Variants in NUAK2 observed in about 807,000 individuals in gnomAD.
NUAK2 encodes NUAK family kinase 2.
Under a neutral mutation model 29.8 loss-of-function variants are expected in NUAK2, and 20 were observed. That is an observed-to-expected ratio of 0.67 (90% CI 0.47 to 0.98). The LOEUF is 0.98. Ranked by LOEUF, NUAK2 falls within the 50% of genes least tolerant of loss-of-function variation. The probability of loss-of-function intolerance (pLI) is 0.00; values close to 1 mark genes in which losing one functional copy is unlikely to be tolerated. For synonymous variants in NUAK2, 331 were observed against 342.6 expected, an observed-to-expected ratio of 0.97 and a Z score of 0.37; for missense variants, 719 against 834.5, an observed-to-expected ratio of 0.86 and a Z score of 1.71.
At chr1:205,307,256 G>GGC (rs1295615974) in intron 4 of NUAK2, among the ~76,000 whole-genome samples, 1 of 152,164 alleles carries the variant, frequency 6.6e-6, no homozygotes, top group Non-Finnish European at 1.5e-5. Flanking sequence ...TGGTTTTATT[G>GGC]GCCTCTTATC....
Position 205,311,702 on chromosome 1 carries a change from T to C in NUAK2, c.352+3A>G, listed in dbSNP as rs762176116. On this transcript the variant is annotated splice_donor_region_variant and intron_variant, in intron 2 of 6. Coordinates refer to ENST00000367157, the MANE Select transcript of NUAK2 (RefSeq NM_030952.3). ...AAGTTCCAGCTTTAAGTGCCCACTG[T>C]ACCTTCATGGATGGCAATGATGTGA... The C allele has an allele frequency of 4.3e-6, 7 of 1,614,186 alleles. No homozygotes were observed. In the Admixed American group the frequency reaches 1.2e-4, roughly 27 times the overall value.
In NUAK2 at chr1:205,303,408, GC is replaced by G. The variant is rs752520162; in HGVS notation, c.*41del. The G allele has an allele frequency of 6.7e-7, 1 of 1,488,710 alleles. No homozygotes were observed. The highest frequency in any genetic ancestry group is 9.0e-7 in the Non-Finnish European group (1 of 1,111,576). The allele number at this position is 1,488,710 out of a possible 1,614,324, so 92.2% of individuals were successfully genotyped here. A position where few individuals can be genotyped will look rare whatever the true frequency, so the allele number is the denominator to read the frequency against. ...ATCTCCCCTCGGGGTGCAACCAGCT[GC>G]ATCTGAGAGCCTGACCGGGCTGGGG... On this transcript the variant is annotated 3_prime_UTR_variant, in exon 7 of 7. Transcript: ENST00000367157.
chr1:205,314,045 T>C (rs1047214244), intron 1 of NUAK2, among the ~76,000 whole-genome samples: 2 of 152,210 alleles, frequency 1.3e-5, no homozygotes, highest in Non-Finnish European at 2.9e-5. Flanking sequence ...TTCACAGGGC[T>C]CTGGAGGCAG....
At chr1:205,313,204 T>C (rs767808498) in intron 1 of NUAK2, among the ~76,000 whole-genome samples, 20 of 151,714 alleles carry the variant, frequency 1.3e-4, no homozygotes, top group Non-Finnish European at 2.8e-4. Context: ...TTATATTATG[T>C]ATGTTTTACC....
At chr1:205,305,024 C>G (rs1365970214) in intron 6 of NUAK2, among the ~76,000 whole-genome samples, 175 bp downstream of exon 6, 1 of 152,352 alleles carries the variant, frequency 6.6e-6, no homozygotes, top group Non-Finnish European at 1.5e-5. Context: ...AAAGAGCTAT[C>G]CCCTCCTTCC....
At position 205,321,650 on chromosome 1, in the gene NUAK2, G is replaced by A. The variant is rs748712957; in HGVS notation, c.-22C>T. On this transcript the variant is annotated 5_prime_UTR_variant, in exon 1 of 7. Coordinates refer to ENST00000367157, the MANE Select transcript of NUAK2 (RefSeq NM_030952.3). Reference sequence around the variant, plus strand: ...CCATGGCGAGCAGGAGGTGAGCAAGGGCGGCAGGGGAATCAGTAGGCTGTG... The same window carrying A: ...CCATGGCGAGCAGGAGGTGAGCAAGAGCGGCAGGGGAATCAGTAGGCTGTG... 4 of 1,594,696 alleles carry A rather than the reference G, an allele frequency of 2.5e-6. No individual in the cohort carries two copies. In the East Asian group the frequency reaches 9.0e-5, roughly 36 times the overall value.
At chr1:205,307,811 G>A (rs1662203211) in intron 4 of NUAK2, among the ~76,000 whole-genome samples, 2 of 152,164 alleles carry the variant, frequency 1.3e-5, no homozygotes, top group African/African-American at 2.4e-5. Context: ...AACTCAGGCC[G>A]GGCCTGTCCC....
At chr1:205,321,156 G>C (rs1259158802) in intron 1 of NUAK2, among the ~76,000 whole-genome samples, 1 of 152,124 alleles carries the variant, frequency 6.6e-6, no homozygotes, top group African/African-American at 2.4e-5. Flanking sequence ...CTTTTATTTG[G>C]CAATCATCAC....
rs540955919 is a variant in NUAK2 at position 205,306,429 on chromosome 1, C to T, written c.571-122G>A. 1.2e-4 allele frequency: 156 copies of T among 1,281,904 alleles called. 1 individual carries two copies. The African/African-American group carries it at 2.0e-3, about 17-fold the overall frequency. 79.4% of individuals were successfully genotyped at this position (1,281,904 alleles called of 1,614,324 possible). On this transcript the variant is annotated intron_variant, in intron 4 of 6. Transcript: ENST00000367157. ...AGCTCCAATAGAAGGAAAGGGTCCC[C>T]ATGACCCTTACCCCACACTGAGCAC...
chr1:205,320,903 G>A (rs1180174617), intron 1 of NUAK2, among the ~76,000 whole-genome samples: 1 of 74,660 alleles, frequency 1.3e-5, no homozygotes, highest in Non-Finnish European at 3.0e-5. Context: ...AACCCACCCC[G>A]TGCCAGAGCT....
chr1:205,305,404 A>AGGCCAGCACACCTGAGGACGACCC, intron 5 of NUAK2, 73 bp from the exon 6 acceptor site: 1 of 1,552,054 alleles, frequency 6.4e-7, no homozygotes, highest in Non-Finnish European at 8.7e-7. Flanking sequence ...GAGAACTCAG[A>AGGCCAGCACACCTGAGGACGACCC]GGCCAGCACA....
intron 1 of NUAK2, among the ~76,000 whole-genome samples, chr1:205,320,080 G>A (rs985157560): frequency 2.0e-5 from 3 of 152,170 alleles, no homozygotes; most frequent in Admixed American, 2.0e-4. Flanking sequence ...ATTACTCTGG[G>A]TGTGGAACCA....
At position 205,308,819 on chromosome 1, in the gene NUAK2, C is replaced by T. The variant is rs1662218506; in HGVS notation, c.353-87G>A. On this transcript the variant is annotated intron_variant, in intron 2 of 6. Transcript: ENST00000367157. This position sits in a 1 kb window ranked among gnomAD's most constrained non-coding sequence, Gnocchi z 4.1. ...TGACTCACTCCTCCCCGACCCCAGG[C>T]CCCAAACCAGACAGGACCCCCCTCC... is the stretch of plus-strand genomic sequence containing the variant. 2 of 1,486,298 alleles carry T rather than the reference C, an allele frequency of 1.3e-6. No homozygotes were observed. Among genetic ancestry groups the T allele is most frequent in the East Asian group, 2.3e-5 (1 of 43,146 alleles). 92.1% of individuals were successfully genotyped at this position (1,486,298 alleles called of 1,614,324 possible).
rs1220046053 is a variant in NUAK2, at chr1:205,303,534, C to T, written c.1803G>A (p.Gly601=). The change falls in exon 7 of 7, where the codon GGG becomes GGA. Residue 601 remains glycine, a synonymous_variant. Transcript: ENST00000367157. ...CLRRWRQDPL[G]DSCFSLTDCQ... ...AGTCTGTCAGGGAAAAGCAGCTGTC[C>T]CCCAAAGGATCCTGCCGCCAGCGCC... The T allele has an allele frequency of 6.2e-7, 1 of 1,613,618 alleles. No homozygotes were observed. Among genetic ancestry groups the T allele is most frequent in the East Asian group, 2.2e-5 (1 of 44,874 alleles).
rs367743737 is a variant in NUAK2 at position 205,318,490 on chromosome 1, A to G, written c.231+2908T>C. On this transcript the variant is annotated intron_variant, in intron 1 of 6. Transcript: ENST00000367157. Reference sequence around the variant, plus strand: ...CGGGCCTCAGCTACTCTATCTGTCAATGAAGGACTCGGACCACCTCAGTCA... The same window carrying G: ...CGGGCCTCAGCTACTCTATCTGTCAGTGAAGGACTCGGACCACCTCAGTCA... Among the ~76,000 whole-genome samples the G allele has an allele frequency of 1.2e-3, 184 of 152,356 alleles. 1 individual carries two copies. The highest frequency in any genetic ancestry group is 4.1e-3 in the African/African-American group (171 of 41,592).
At chr1:205,315,255 G>T (rs1016005332) in intron 1 of NUAK2, among the ~76,000 whole-genome samples, 5 of 152,220 alleles carry the variant, frequency 3.3e-5, no homozygotes, top group African/African-American at 1.2e-4. Context: ...CTGCTCCCCA[G>T]CCTATCCTGG....
In NUAK2 at chr1:205,303,599, G is replaced by A. The variant is rs41264879; in HGVS notation, c.1738C>T (p.Leu580Phe). 9.6e-5 allele frequency: 155 copies of A among 1,611,892 alleles called. No homozygotes were observed. The highest frequency in any genetic ancestry group is 7.8e-5 in the Non-Finnish European group (92 of 1,179,390). ...GGGCCCTCTGAGGGGGGCTCCTCAA[G>A]CCCCGTGAGGTTGTCCACAGACACA... ...GCVSVDNLTG[L>F]EEPPSEGPGS... is the part of the protein sequence containing the mutation. The change falls in exon 7 of 7, where the codon CTT becomes TTT. Residue 580 changes from leucine to phenylalanine, a missense_variant. Around this residue, in one of 3 missense-constraint regions of NUAK2, gnomAD observed 430 missense variants for 465.7 expected, o/e 0.92. Transcript: ENST00000367157.
chr1:205,311,950 A>G (rs1336942785), intron 1 of NUAK2, 125 bp from the exon 2 acceptor site: 2 of 1,233,136 alleles, frequency 1.6e-6, no homozygotes, highest in African/African-American at 3.0e-5. Flanking sequence ...AAGCCACTCC[A>G]TCCTTCACCA....
At position 205,321,507 on chromosome 1, in the gene NUAK2, T is replaced by A; in HGVS notation, c.122A>T (p.Lys41Met). 1 of 1,613,966 alleles carries A rather than the reference T, an allele frequency of 6.2e-7. No individual in the cohort carries two copies. Among genetic ancestry groups the A allele is most frequent in the South Asian group, 1.1e-5 (1 of 91,084 alleles). ...CAGGTTGTGCTTGTGGTGGTGCCGC[T>A]TCACCGCCTGCTTCTTCATTAGGGG... The part of the protein sequence containing the change: ...PKPLMKKQAV[K>M]RHHHKHNLRH... The change falls in exon 1 of 7, where the codon AAG becomes ATG. Residue 41 changes from lysine to methionine, a missense_variant. Coordinates refer to ENST00000367157, the MANE Select transcript of NUAK2 (RefSeq NM_030952.3).
Sources: gnomAD v4.1 joint callset for allele counts (sites outside exome capture counted in the v4.1 genomes callset) on GRCh38, gnomAD v4.1.1 for gene constraint, gnomAD v4.1.1 regional missense constraint, Gnocchi (gnomAD v3.1) non-coding constraint, MANE v1.5 for transcripts, NCBI Gene and HGNC (gene_info 2026-07-23, HGNC 2026-07-21) for gene names.